SCMH1: variants seen among roughly 807,000 people sequenced by gnomAD.
SCMH1 encodes the protein polycomb protein SCMH1.
A neutral mutation model predicts 70.8 loss-of-function variants in SCMH1; 37 were observed. The observed-to-expected ratio is 0.52, with a 90% confidence interval of 0.40 to 0.69. The LOEUF is 0.69. SCMH1 is among the 30% of genes least tolerant of loss of function. SCMH1 has a pLI of 0.00. For missense variants in SCMH1, 607 were observed against 827.3 expected, an observed-to-expected ratio of 0.73 and a Z score of 3.27; for synonymous variants, 292 against 307.4, an observed-to-expected ratio of 0.95 and a Z score of 0.52.
chr1:41,108,764 G>C (rs1027032171), intron 8 of SCMH1, among the ~76,000 whole-genome samples: 2 of 152,146 alleles, frequency 1.3e-5, no homozygotes, highest in Non-Finnish European at 2.9e-5. Flanking sequence ...AATCATGTAG[G>C]AGACAGAGGC....
At chr1:41,044,792 G>T (rs1646694284) in intron 12 of SCMH1, among the ~76,000 whole-genome samples, 1 of 152,074 alleles carries the variant, frequency 6.6e-6, no homozygotes, top group Non-Finnish European at 1.5e-5. Flanking sequence ...GAATCAGAGA[G>T]ATGTAAATTG....
At chr1:41,240,378 G>C (rs530663962) in intron 1 of SCMH1, among the ~76,000 whole-genome samples, 1 of 152,264 alleles carries the variant, frequency 6.6e-6, no homozygotes, top group South Asian at 2.1e-4. Flanking sequence ...AGTTGCTTAG[G>C]CAAGAGTTTA....
chr1:41,227,588 C>G (rs1660513701), intron 1 of SCMH1, among the ~76,000 whole-genome samples: 1 of 152,048 alleles, frequency 6.6e-6, no homozygotes, highest in African/African-American at 2.4e-5. Flanking sequence ...TGGTAGTTGC[C>G]AGGAACTGGA....
In SCMH1 at chr1:41,046,618, G is replaced by T; in HGVS notation, c.1307-20C>A. The stretch of plus-strand genomic sequence containing the variant: ...ACACGGCTGTGGAGTGAGTAAACAG[G>T]GCCAAGCATGTCAGCCTGGCAGTGG... On this transcript the variant is annotated intron_variant, in intron 11 of 14. Transcript: ENST00000337495. The T allele has an allele frequency of 6.2e-7, 1 of 1,604,710 alleles. No homozygotes were observed.
intron 8 of SCMH1, among the ~76,000 whole-genome samples, chr1:41,100,138 C>T (rs1455482873): frequency 6.6e-6 from 1 of 151,962 alleles, no homozygotes; most frequent in Non-Finnish European, 1.5e-5. Context: ...CTGTATTTCC[C>T]TATTGATTTG....
chr1:41,152,460 T>C (rs1451422961), intron 4 of SCMH1: 7 of 903,014 alleles, frequency 7.8e-6, no homozygotes, highest in Admixed American at 2.5e-5. Context: ...ATAAACAATC[T>C]TCAAGGTGAC....
At chr1:41,031,037 A>T (rs1193683074) in intron 13 of SCMH1, among the ~76,000 whole-genome samples, 1 of 152,194 alleles carries the variant, frequency 6.6e-6, no homozygotes, top group Non-Finnish European at 1.5e-5. Flanking sequence ...CTGTAATCCC[A>T]GCACTTTGGG....
At chr1:41,061,892 TCTCA>T (rs1652796233) in intron 10 of SCMH1, among the ~76,000 whole-genome samples, 1 of 152,072 alleles carries the variant, frequency 6.6e-6, no homozygotes, top group Non-Finnish European at 1.5e-5. Flanking sequence ...TGAGACAGGG[TCTCA>T]CTCTTTCACA....
intron 6 of SCMH1, among the ~76,000 whole-genome samples, chr1:41,139,227 T>C (rs1643826562): frequency 6.6e-6 from 1 of 152,178 alleles, no homozygotes; most frequent in Admixed American, 6.5e-5. Context: ...CTGTTCTCAG[T>C]ATTTCCCATT....
intron 12 of SCMH1, among the ~76,000 whole-genome samples, chr1:41,039,967 A>T (rs1645894559): frequency 2.0e-5 from 3 of 149,444 alleles, no homozygotes; most frequent in South Asian, 2.1e-4. Context: ...TTTTTTTTTA[A>T]AAAAAGGAGT....
chr1:41,223,109 G>A (rs918825536), intron 1 of SCMH1, among the ~76,000 whole-genome samples: 1 of 152,154 alleles, frequency 6.6e-6, no homozygotes, highest in African/African-American at 2.4e-5. Context: ...ATTGTGGGAG[G>A]TTTTGAAATG....
intron 2 of SCMH1, among the ~76,000 whole-genome samples, chr1:41,167,371 T>C (rs951123189): frequency 6.6e-6 from 1 of 152,214 alleles, no homozygotes; most frequent in African/African-American, 2.4e-5. Flanking sequence ...ATCAAGGTAC[T>C]GCTGGCCTCA....
chr1:41,061,874 T>A (rs997489843), intron 10 of SCMH1, among the ~76,000 whole-genome samples: 1 of 150,844 alleles, frequency 6.6e-6, no homozygotes, highest in Admixed American at 6.6e-5. Flanking sequence ...AAATTTCTCA[T>A]TTTTTTTTGA....
chr1:41,039,588 T>C (rs1645820130), intron 12 of SCMH1, among the ~76,000 whole-genome samples: 1 of 151,834 alleles, frequency 6.6e-6, no homozygotes, highest in South Asian at 2.1e-4. Flanking sequence ...CAAGCAATTC[T>C]TGTGCCTCAG....
chr1:41,230,004 T>TG (rs1387113813), intron 1 of SCMH1, among the ~76,000 whole-genome samples: 3 of 152,146 alleles, frequency 2.0e-5, no homozygotes, highest in African/African-American at 7.2e-5. Context: ...AGAAATGAAA[T>TG]GGGAGCCAAT....
chr1:41,173,019 T>A (rs1646887592), intron 2 of SCMH1, among the ~76,000 whole-genome samples: 1 of 151,260 alleles, frequency 6.6e-6, no homozygotes, highest in African/African-American at 2.4e-5. Flanking sequence ...TTCAAGACAT[T>A]GATCTGCACA....
chr1:41,221,296 G>A (rs1035133288), intron 1 of SCMH1, among the ~76,000 whole-genome samples: 2 of 152,058 alleles, frequency 1.3e-5, no homozygotes. Context: ...GTTTTAATTG[G>A]GGAAGATGAA....
chr1:41,164,480 T>A (rs1646280141), intron 2 of SCMH1, among the ~76,000 whole-genome samples: 1 of 152,086 alleles, frequency 6.6e-6, no homozygotes, highest in South Asian at 2.1e-4. Context: ...GAAATAAGGG[T>A]AAGACCCTTC....
chr1:41,140,262 TC>T (rs939396767), intron 6 of SCMH1, among the ~76,000 whole-genome samples: 15 of 151,320 alleles, frequency 9.9e-5, no homozygotes, highest in African/African-American at 3.4e-4. Context: ...GTGAGAAGTA[TC>T]AATTTGAACC....
Sources: allele counts gnomAD v4.1 joint callset (sites outside exome capture counted in the v4.1 genomes callset), GRCh38; gene constraint gnomAD v4.1.1; transcripts MANE v1.5; gene names NCBI Gene and HGNC (gene_info 2026-07-23, HGNC 2026-07-21).